The following NOL4 variants were observed in gnomAD, a reference collection of about 807,000 sequenced individuals.
The protein encoded by NOL4 is cancer/testis antigen 125.
Under a neutral mutation model 75.9 loss-of-function variants are expected in NOL4, and 17 were observed. That is an observed-to-expected ratio of 0.22 (90% CI 0.15 to 0.34). NOL4 has a LOEUF of 0.34. Among genes scored for constraint, NOL4 ranks in the 10% least tolerant of loss-of-function variants. The pLI is 1.00. For synonymous variants in NOL4, 292 were observed against 289.9 expected (o/e 1.01, Z -0.07); for missense variants, 614 against 793.5 (o/e 0.77, Z 2.72).
At chr18:34,183,124 G>A (rs2034175687) in intron 1 of NOL4, among the ~76,000 whole-genome samples, 1 of 151,762 alleles carries the variant, frequency 6.6e-6, no homozygotes, top group African/African-American at 2.4e-5. Context: ...ATAAGTTACA[G>A]AGTAGGAGGA....
At chr18:34,151,851 A>T (rs1006676257) in intron 1 of NOL4, among the ~76,000 whole-genome samples, 2 of 151,752 alleles carry the variant, frequency 1.3e-5, no homozygotes, top group African/African-American at 4.8e-5. Flanking sequence ...TGTAAACCTG[A>T]AGTCTATTTA....
chr18:33,980,416 C>A (rs1393436852), intron 6 of NOL4, among the ~76,000 whole-genome samples: 5 of 151,912 alleles, frequency 3.3e-5, no homozygotes, highest in Non-Finnish European at 7.4e-5. Flanking sequence ...AGGCTTATAG[C>A]AAAAGGAGGG....
chr18:33,895,632 T>A lies in NOL4; in HGVS notation c.1543-12208A>T, dbSNP rs560390694. On this transcript the variant is annotated intron_variant, in intron 9 of 10. Coordinates refer to ENST00000261592, the MANE Select transcript of NOL4 (RefSeq NM_003787.5). ...AAGAAAAAAATGGTGTCTTTAACAT[T>A]AAATCATATTACATTTTTGGAATAA... Among the ~76,000 whole-genome samples, 13 of 152,172 alleles carry A rather than the reference T, an allele frequency of 8.5e-5. No individual in the cohort carries two copies. In the South Asian group the frequency reaches 1.5e-3, roughly 17 times the overall value.
intron 9 of NOL4, 86 bp from the exon 10 acceptor site, chr18:33,883,510 C>T (rs2064442125): frequency 1.0e-6 from 1 of 986,988 alleles, no homozygotes; most frequent in Non-Finnish European, 1.4e-6. Flanking sequence ...TATCTAAATA[C>T]CTGCATTGAA....
chr18:33,977,664 C>T (rs1418577466), intron 6 of NOL4, among the ~76,000 whole-genome samples: 1 of 152,116 alleles, frequency 6.6e-6, no homozygotes, highest in Non-Finnish European at 1.5e-5. Flanking sequence ...TTATCGAATA[C>T]AAGGTTTAAC....
At position 34,133,995 on chromosome 18, in the gene NOL4, C is replaced by A. The variant is rs147714427; in HGVS notation, c.265-3975G>T. On this transcript the variant is annotated intron_variant, in intron 1 of 10. Coordinates refer to ENST00000261592, the MANE Select transcript of NOL4 (RefSeq NM_003787.5). Reference sequence around the variant, plus strand: ...CTGAGATCACGCCACTGCACTCCAGCCCGAGCCACAGAGTGAGACTTCGCC... The same window carrying A: ...CTGAGATCACGCCACTGCACTCCAGACCGAGCCACAGAGTGAGACTTCGCC... Among the ~76,000 whole-genome samples, 181 of 152,258 alleles carry A rather than the reference C, an allele frequency of 1.2e-3. 1 individual carries two copies. Among genetic ancestry groups the A allele is most frequent in the Non-Finnish European group, 7.1e-4 (48 of 68,016 alleles).
At chr18:33,950,955 C>A (rs559902837) in intron 8 of NOL4, among the ~76,000 whole-genome samples, 2 of 152,110 alleles carry the variant, frequency 1.3e-5, no homozygotes, top group Non-Finnish European at 2.9e-5. Flanking sequence ...ATTTCAAGTG[C>A]TTTTGGTTTT....
chr18:33,979,690 T>C (rs2071791667), intron 6 of NOL4, among the ~76,000 whole-genome samples: 1 of 151,952 alleles, frequency 6.6e-6, no homozygotes, highest in South Asian at 2.1e-4. Context: ...TATTGATATT[T>C]CTCCAGAAAA....
chr18:34,002,736 T>G (rs1005003882), intron 6 of NOL4, among the ~76,000 whole-genome samples: 10 of 152,104 alleles, frequency 6.6e-5, no homozygotes, highest in African/African-American at 2.4e-4. Context: ...ATCTCCAATC[T>G]AAATGTTAAA....
chr18:34,009,971 C>T (rs1040747744), intron 6 of NOL4, among the ~76,000 whole-genome samples: 2 of 151,856 alleles, frequency 1.3e-5, no homozygotes, highest in Non-Finnish European at 2.9e-5. Context: ...ACATAGTATA[C>T]AAGTACTCAA....
chr18:34,199,648 A>G (rs1184780501), intron 1 of NOL4, among the ~76,000 whole-genome samples: 1 of 151,896 alleles, frequency 6.6e-6, no homozygotes, highest in Non-Finnish European at 1.5e-5. Context: ...CTATTATTCT[A>G]TCATGACACA....
intron 6 of NOL4, among the ~76,000 whole-genome samples, chr18:34,010,407 G>GAC (rs2074303716): frequency 6.6e-6 from 1 of 151,808 alleles, no homozygotes; most frequent in South Asian, 2.1e-4. Flanking sequence ...TCCACTGATA[G>GAC]ACACTTCGGT....
At chr18:34,067,781 GAT>G (rs1168903960) in intron 5 of NOL4, among the ~76,000 whole-genome samples, 1 of 152,110 alleles carries the variant, frequency 6.6e-6, no homozygotes, top group East Asian at 1.9e-4. Context: ...TAGTGAAAGA[GAT>G]AAGCTCAGTT....
intron 9 of NOL4, among the ~76,000 whole-genome samples, chr18:33,935,738 A>G (rs1032711409): frequency 6.6e-6 from 1 of 152,170 alleles, no homozygotes; most frequent in Non-Finnish European, 1.5e-5. Flanking sequence ...TGTGAAGCAC[A>G]ACAAAGTGAA....
chr18:34,217,383 C>T (rs2036972182), intron 1 of NOL4, among the ~76,000 whole-genome samples: 1 of 151,916 alleles, frequency 6.6e-6, no homozygotes, highest in Non-Finnish European at 1.5e-5. Flanking sequence ...CTCCCGGGTT[C>T]AAGCAATTCT....
intron 1 of NOL4, among the ~76,000 whole-genome samples, chr18:34,192,415 A>T (rs2034987376): frequency 6.6e-6 from 1 of 152,208 alleles, no homozygotes; most frequent in Non-Finnish European, 1.5e-5. Context: ...AGCAATCTTG[A>T]GCAAAACCAA....
chr18:34,121,109 T>C (rs2080121561), intron 2 of NOL4: 1 of 152,204 alleles, frequency 6.6e-6, no homozygotes, highest in Admixed American at 6.5e-5. Flanking sequence ...TTTTCATACA[T>C]GTTCACTATT....
intron 8 of NOL4, among the ~76,000 whole-genome samples, chr18:33,954,230 G>A (rs1394596689): frequency 6.6e-6 from 1 of 152,050 alleles, no homozygotes; most frequent in African/African-American, 2.4e-5. Flanking sequence ...GTTGTCTAGG[G>A]AATAACGACA....
chr18:34,099,085 G>C (rs1243080873), intron 4 of NOL4, among the ~76,000 whole-genome samples: 1 of 151,706 alleles, frequency 6.6e-6, no homozygotes, highest in Non-Finnish European at 1.5e-5. Flanking sequence ...TATTATTTCA[G>C]GCCAGGCACC....
Sources: gnomAD v4.1 joint callset for allele counts (sites outside exome capture counted in the v4.1 genomes callset) on GRCh38, gnomAD v4.1.1 for gene constraint, MANE v1.5 for transcripts, NCBI Gene and HGNC (gene_info 2026-07-23, HGNC 2026-07-21) for gene names.